Variants in BTRC observed in about 807,000 individuals in gnomAD.
BTRC encodes the protein F-box/WD repeat-containing protein 1A.
Under a neutral mutation model 85.5 loss-of-function variants are expected in BTRC, and 42 were observed. That is an observed-to-expected ratio of 0.49 (90% CI 0.38 to 0.64). The LOEUF (loss-of-function observed/expected upper bound fraction) is 0.64. BTRC is among the 30% of genes least tolerant of loss of function. The probability of loss-of-function intolerance (pLI) is 0.00; values close to 1 mark genes in which losing one functional copy is unlikely to be tolerated. For missense variants in BTRC, 594 were observed against 743.5 expected, an observed-to-expected ratio of 0.80 and a Z score of 2.34; for synonymous variants, 255 against 263.3, an observed-to-expected ratio of 0.97 and a Z score of 0.30.
At chr10:101,495,120 G>A (rs1263806453) in intron 4 of BTRC, among the ~76,000 whole-genome samples, 2 of 152,108 alleles carry the variant, frequency 1.3e-5, no homozygotes, top group African/African-American at 4.8e-5. Context: ...TCCTAATACT[G>A]ACCTACTTTG....
chr10:101,447,569 A>G (rs779822932), intron 2 of BTRC, among the ~76,000 whole-genome samples: 1 of 152,194 alleles, frequency 6.6e-6, no homozygotes, highest in South Asian at 2.1e-4. Flanking sequence ...TTAATGTTTG[A>G]TATCTGTCAA....
At chr10:101,354,076 G>T, upstream of BTRC, 2 of 1,358,738 alleles carry the variant, frequency 1.5e-6, no homozygotes, top group Non-Finnish European at 2.0e-6. Context: ...GGTAAGAGAG[G>T]GCGGGGGGAA....
In BTRC at chr10:101,527,757, CTCTG is replaced by C. The variant is rs1232152963; in HGVS notation, c.743+1562_743+1565del. On this transcript the variant is annotated intron_variant, in intron 6 of 14. Coordinates refer to ENST00000370187, the MANE Select transcript of BTRC (RefSeq NM_033637.4). ...CAACAGAGCAAGACCCTGTCTCTTTCTCTGTCTCTCTCTCTCTCTCTCTCTCTCT... is the reference window on the plus strand; with the variant it reads ...CAACAGAGCAAGACCCTGTCTCTTTCTCTCTCTCTCTCTCTCTCTCTCTCT... 1.1e-3 allele frequency among the ~76,000 whole-genome samples: 113 copies of C among 100,326 alleles called. No homozygotes were observed. The South Asian group carries it at 0.012, about 10-fold the overall frequency. 65.8% of individuals were successfully genotyped at this position (100,326 alleles called of 152,430 possible). A position where few individuals can be genotyped will look rare whatever the true frequency, so the allele number is the denominator to read the frequency against.
intron 6 of BTRC, among the ~76,000 whole-genome samples, chr10:101,529,366 G>A (rs2062247114): frequency 6.6e-6 from 1 of 152,192 alleles, no homozygotes; most frequent in Non-Finnish European, 1.5e-5. Context: ...AATGTAGATA[G>A]TATCATTGCA....
intron 1 of BTRC, among the ~76,000 whole-genome samples, chr10:101,410,092 G>C (rs1943735425): frequency 6.6e-6 from 1 of 152,034 alleles, no homozygotes; most frequent in Non-Finnish European, 1.5e-5. Context: ...TTCTGTTGTG[G>C]GTTTTCTTGT....
intron 3 of BTRC, among the ~76,000 whole-genome samples, chr10:101,478,368 C>T (rs1437129774): frequency 6.6e-6 from 1 of 150,476 alleles, no homozygotes; most frequent in East Asian, 1.9e-4. Context: ...TGGTTTATTT[C>T]TCTTTTCTTT....
chr10:101,420,833 A>T (rs889847441), intron 1 of BTRC, among the ~76,000 whole-genome samples: 2 of 151,984 alleles, frequency 1.3e-5, no homozygotes, highest in Non-Finnish European at 2.9e-5. Flanking sequence ...AAAGGAGAAG[A>T]GGGAGAGGTA....
At chr10:101,475,018 T>A (rs556572408) in intron 3 of BTRC, among the ~76,000 whole-genome samples, 1 of 152,240 alleles carries the variant, frequency 6.6e-6, no homozygotes, top group Non-Finnish European at 1.5e-5. Context: ...ACATAGTGAA[T>A]TTTATTTTAA....
chr10:101,532,777 T>TGTGA (rs2062310607), intron 8 of BTRC, among the ~76,000 whole-genome samples, 175 bp from the exon 9 acceptor site: 1 of 70,204 alleles, frequency 1.4e-5, no homozygotes, highest in South Asian at 5.8e-4. Context: ...TGTGTGTGTG[T>TGTGA]GTGTGTGTGT....
chr10:101,369,913 G>A (rs1390141331), intron 1 of BTRC, among the ~76,000 whole-genome samples: 2 of 152,088 alleles, frequency 1.3e-5, no homozygotes, highest in Non-Finnish European at 2.9e-5. Flanking sequence ...TGTTGCTGCT[G>A]TTCCCCACAC....
intron 4 of BTRC, among the ~76,000 whole-genome samples, chr10:101,519,454 C>A (rs1397933211): frequency 1.3e-5 from 2 of 152,114 alleles, no homozygotes; most frequent in Non-Finnish European, 2.9e-5. Flanking sequence ...TTCTTACTGG[C>A]TGTCAGCTGG....
chr10:101,378,069 A>G (rs1258880466), intron 1 of BTRC, among the ~76,000 whole-genome samples: 1 of 152,140 alleles, frequency 6.6e-6, no homozygotes. Context: ...TCATGTTCCT[A>G]GTAGCATAGA....
At chr10:101,362,254 G>A (rs1942231359) in intron 1 of BTRC, among the ~76,000 whole-genome samples, 1 of 152,022 alleles carries the variant, frequency 6.6e-6, no homozygotes, top group African/African-American at 2.4e-5. Flanking sequence ...ACCGTGCCCG[G>A]CCTTGAGTTG....
chr10:101,354,202 C>A lies in BTRC; in HGVS notation c.22C>A (p.Leu8Met), dbSNP rs762012584. Residue 8 changes from leucine (L) to methionine (M), a missense_variant, in exon 1 of 15, where the codon CTG becomes ATG. Leu to Met is a conservative substitution (Grantham distance 15, BLOSUM62 2). Transcript: ENST00000370187. MDPAEAV[L>M]QEKALKFMCS... ...GATTATGGACCCGGCCGAGGCGGTG[C>A]TGCAAGAGAAGGCACTCAAGTTTAT... 39 of 1,549,200 alleles carry A rather than the reference C, an allele frequency of 2.5e-5. No individual in the cohort carries two copies. In the South Asian group the frequency reaches 4.4e-4, roughly 18 times the overall value.
chr10:101,396,411 T>A (rs1943363732), intron 1 of BTRC, among the ~76,000 whole-genome samples: 1 of 150,998 alleles, frequency 6.6e-6, no homozygotes, highest in South Asian at 2.1e-4. Flanking sequence ...TGAAGATTTT[T>A]TTTTTTTTTT....
rs58902120 is a variant in BTRC at position 101,406,524 on chromosome 10, C to CTTT, written c.49-23795_49-23793dup. ...ATGTTAACATAGCCATCTCAGGTTT[C>CTTT]TTTTTTTTTTTTTTTTTTTTTTTTT... On this transcript the variant is annotated intron_variant, in intron 1 of 14. Coordinates refer to ENST00000370187, the MANE Select transcript of BTRC (RefSeq NM_033637.4). Among the ~76,000 whole-genome samples, 151 of 50,440 alleles carry CTTT rather than the reference C, an allele frequency of 3.0e-3. 26 individuals carry two copies. Among genetic ancestry groups the CTTT allele is most frequent in the South Asian group, 6.9e-3 (7 of 1,016 alleles). The allele number at this position is 50,440 out of a possible 152,430, so 33.1% of individuals were successfully genotyped here. A position where few individuals can be genotyped will look rare whatever the true frequency, so the allele number is the denominator to read the frequency against.
chr10:101,458,422 C>A (rs79528180), intron 2 of BTRC, among the ~76,000 whole-genome samples: 1 of 151,924 alleles, frequency 6.6e-6, no homozygotes, highest in Non-Finnish European at 1.5e-5. Context: ...TTTTTAATGG[C>A]GGTGTTATAC....
At chr10:101,382,769 A>G (rs896832697) in intron 1 of BTRC, among the ~76,000 whole-genome samples, 12 of 152,152 alleles carry the variant, frequency 7.9e-5, no homozygotes, top group African/African-American at 2.9e-4. Flanking sequence ...AAATCAACCT[A>G]TTTATTTTTA....
chr10:101,435,291 G>A (rs2134094209), intron 2 of BTRC, among the ~76,000 whole-genome samples: 1 of 152,168 alleles, frequency 6.6e-6, no homozygotes, highest in South Asian at 2.1e-4. Context: ...ATACTTTTGT[G>A]TAACCTTCAA....
Sources: allele counts gnomAD v4.1 joint callset (sites outside exome capture counted in the v4.1 genomes callset), GRCh38; gene constraint gnomAD v4.1.1; transcripts MANE v1.5; gene names NCBI Gene and HGNC (gene_info 2026-07-23, HGNC 2026-07-21).